GOLGA5: variants seen among roughly 807,000 people sequenced by gnomAD.
The protein encoded by GOLGA5 is golgin subfamily A member 5.
In GOLGA5, 50 loss-of-function variants were observed where a neutral mutation model predicts 93.5. The observed-to-expected ratio is 0.53, with a 90% CI of 0.43 to 0.68. The LOEUF (loss-of-function observed/expected upper bound fraction) is 0.68, where lower values mean the gene tolerates loss of function less well. Among genes scored for constraint, GOLGA5 ranks in the 30% least tolerant of loss-of-function variants. GOLGA5 has a pLI of 0.00. For synonymous variants in GOLGA5, 312 were observed against 304.5 expected (o/e 1.02, Z -0.26); for missense variants, 760 against 856.4 (o/e 0.89, Z 1.40).
chr14:92,833,670 T>A (rs1426766021), intron 10 of GOLGA5, among the ~76,000 whole-genome samples: 1 of 152,240 alleles, frequency 6.6e-6, no homozygotes, highest in Non-Finnish European at 1.5e-5. Flanking sequence ...CAAGATTTGC[T>A]TTAATAATCT....
At chr14:92,815,687 A>AT (rs1410046101) in intron 6 of GOLGA5, among the ~76,000 whole-genome samples, 1 of 143,112 alleles carries the variant, frequency 7.0e-6, no homozygotes, top group African/African-American at 2.6e-5. Context: ...ATAAACACAA[A>AT]TTTTTTTTAA....
intron 1 of GOLGA5, 134 bp downstream of exon 1, chr14:92,794,590 G>A (rs1320154263): frequency 6.6e-6 from 1 of 152,542 alleles, no homozygotes; most frequent in South Asian, 2.1e-4. Flanking sequence ...CCCTGTTAGG[G>A]GCTGAGGAGG....
At position 92,794,429 on chromosome 14, in the gene GOLGA5, C is replaced by G. The variant is rs558414439; in HGVS notation, c.-58C>G. 75 of 152,454 alleles carry G rather than the reference C, an allele frequency of 4.9e-4. No individual in the cohort carries two copies. Among genetic ancestry groups the G allele is most frequent in the African/African-American group, 1.7e-3 (72 of 41,584 alleles). 9.4% of individuals were successfully genotyped at this position (152,454 alleles called of 1,614,324 possible). On this transcript the variant is annotated 5_prime_UTR_variant, in exon 1 of 13. Transcript: ENST00000163416. ...GCGCGGCCCAGGACGGCGGCTAGGC[C>G]GTAGTGCAGCCTCTCCGGAGTCCTC...
Position 92,797,847 on chromosome 14 carries a change from G to T in GOLGA5, c.410G>T (p.Arg137Met), listed in dbSNP as rs1439549805. ...LNSSQKEPTG[R>M]VEIRKEKGKT... ...AGTTCACAGAAGGAGCCTACCGGGA[G>T]GGTGGAAATCAGAAAGGAAAAAGGC... is the stretch of plus-strand genomic sequence containing the variant. Residue 137 changes from arginine to methionine, a missense_variant, in exon 2 of 13, where the codon AGG (arginine) becomes ATG (methionine). Physicochemically the swap from Arg to Met is moderately conservative, Grantham distance 91. Coordinates refer to ENST00000163416, the MANE Select transcript of GOLGA5 (RefSeq NM_005113.4). The T allele has an allele frequency of 6.2e-7, 1 of 1,614,034 alleles. No individual in the cohort carries two copies. The highest frequency in any genetic ancestry group is 8.5e-7 in the Non-Finnish European group (1 of 1,179,924).
At chr14:92,797,387 C>G in intron 1 of GOLGA5, 21 bp from the exon 2 acceptor site, 2 of 1,377,034 alleles carry the variant, frequency 1.5e-6, no homozygotes, top group East Asian at 2.3e-5. Flanking sequence ...CCACACTGAT[C>G]ATTTTATGTC....
chr14:92,809,249 G>C, intron 3 of GOLGA5, 51 bp from the exon 4 acceptor site: 1 of 1,287,076 alleles, frequency 7.8e-7, no homozygotes, highest in Non-Finnish European at 1.1e-6. Context: ...CGTGCTCTGA[G>C]AAAAATGTGT....
intron 10 of GOLGA5, among the ~76,000 whole-genome samples, chr14:92,834,184 C>CTTTTTTTTTTTTTT (rs35449807): frequency 4.4e-5 from 6 of 135,058 alleles, no homozygotes; most frequent in East Asian, 2.2e-4. Context: ...TAGGTTTCAC[C>CTTTTTTTTTTTTTT]TTTTTTTTTT....
chr14:92,806,615 G>T (rs1884991557), intron 2 of GOLGA5, 121 bp from the exon 3 acceptor site: 3 of 697,934 alleles, frequency 4.3e-6, no homozygotes, highest in Admixed American at 2.2e-5. Flanking sequence ...GCCTAGCTGA[G>T]AATTTACTTT....
chr14:92,816,250 G>T lies in GOLGA5; in HGVS notation c.1321-1G>T, dbSNP rs770345182. ...TAAACATATTTCTTCTTTTATAATA[G>T]TCTAAGGAAAAATTGATTAACAGCT... On this transcript the variant is annotated splice_acceptor_variant, in intron 6 of 12. Coordinates refer to ENST00000163416, the MANE Select transcript of GOLGA5 (RefSeq NM_005113.4). LOFTEE classifies it high-confidence loss of function. 4 of 1,604,180 alleles carry T rather than the reference G, an allele frequency of 2.5e-6. No homozygotes were observed.
At position 92,839,684 on chromosome 14, in the gene GOLGA5, G is replaced by C. The variant is rs745325817; in HGVS notation, c.*238G>C. 3.0e-5 allele frequency: 17 copies of C among 562,654 alleles called. No homozygotes were observed. Among genetic ancestry groups the C allele is most frequent in the African/African-American group, 7.5e-5 (4 of 53,268 alleles). The allele number at this position is 562,654 out of a possible 1,614,324, so 34.9% of individuals were successfully genotyped here. A position where few individuals can be genotyped will look rare whatever the true frequency, so the allele number is the denominator to read the frequency against. ...CTCAGCTCTGCTTTATCTGAGTTTA[G>C]TGGTCCTAATATATATGTAGAGAAA... On this transcript the variant is annotated 3_prime_UTR_variant, in exon 13 of 13. Coordinates refer to ENST00000163416, the MANE Select transcript of GOLGA5 (RefSeq NM_005113.4).
rs201784214 is a variant in GOLGA5 at position 92,806,869 on chromosome 14, C to T, written c.678C>T (p.Asn226=). ...ATGGCAAATCACATGAACTGTCTAA[C>T]CTTCGACTGGAGAATCAGCTGCTGA... The part of the protein sequence containing the change: ...NDDGKSHELS[N]LRLENQLLRN... The change falls in exon 3 of 13, where the codon AAC becomes AAT. Residue 226 remains asparagine (N), a synonymous_variant. Transcript: ENST00000163416. 34 of 1,613,694 alleles carry T rather than the reference C, an allele frequency of 2.1e-5. No individual in the cohort carries two copies. Among genetic ancestry groups the T allele is most frequent in the Non-Finnish European group, 2.5e-5 (29 of 1,179,742 alleles).
chr14:92,832,485 A>G (rs1263576784), intron 9 of GOLGA5, among the ~76,000 whole-genome samples: 1 of 152,220 alleles, frequency 6.6e-6, no homozygotes, highest in Non-Finnish European at 1.5e-5. Context: ...GAAGTCGTTA[A>G]GTATCAACTT....
At chr14:92,809,554 A>C in intron 4 of GOLGA5, 35 bp downstream of exon 4, 1 of 1,291,400 alleles carries the variant, frequency 7.7e-7, no homozygotes, top group Non-Finnish European at 1.1e-6. Context: ...AAAAATGAGC[A>C]AGTAATGGTA....
chr14:92,804,189 A>G lies in GOLGA5; in HGVS notation c.545-2547A>G, dbSNP rs144024446. Among the ~76,000 whole-genome samples, 5 of 152,090 alleles carry G rather than the reference A, an allele frequency of 3.3e-5. No homozygotes were observed. In the East Asian group the frequency reaches 9.6e-4, roughly 29 times the overall value. On this transcript the variant is annotated intron_variant, in intron 2 of 12. Coordinates refer to ENST00000163416, the MANE Select transcript of GOLGA5 (RefSeq NM_005113.4). The stretch of plus-strand genomic sequence containing the variant: ...GATATCATCCCACATTTGGATATAT[A>G]CTTAATTTATTTTTTGAATTTTAAT...
intron 2 of GOLGA5, among the ~76,000 whole-genome samples, chr14:92,801,740 T>TC (rs938883931): frequency 2.6e-5 from 4 of 151,328 alleles, no homozygotes; most frequent in African/African-American, 7.3e-5. Flanking sequence ...TTTTTCTTTT[T>TC]TTTTTTTTTG....
In GOLGA5 at chr14:92,806,971, C is replaced by G. The variant is rs1248358413; in HGVS notation, c.772+8C>G. 5 of 1,510,336 alleles carry G rather than the reference C, an allele frequency of 3.3e-6. No homozygotes were observed. The South Asian group carries it at 5.6e-5, about 17-fold the overall frequency. The allele number at this position is 1,510,336 out of a possible 1,614,324, so 93.6% of individuals were successfully genotyped here. A position where few individuals can be genotyped will look rare whatever the true frequency, so the allele number is the denominator to read the frequency against. On this transcript the variant is annotated splice_region_variant and intron_variant, in intron 3 of 12. Coordinates refer to ENST00000163416, the MANE Select transcript of GOLGA5 (RefSeq NM_005113.4). The stretch of plus-strand genomic sequence containing the variant: ...CCAAAGAGACTCAAGAAGGTAGAGG[C>G]TTAAATTGTTCAGGATTAGGAATTT...
chr14:92,825,837 C>T (rs1051162932), intron 9 of GOLGA5, among the ~76,000 whole-genome samples: 1 of 121,656 alleles, frequency 8.2e-6, no homozygotes, highest in Admixed American at 1.0e-4. Flanking sequence ...CCTTGAGTGA[C>T]AGAGTGAGAC....
chr14:92,796,209 G>A (rs969174504), intron 1 of GOLGA5, among the ~76,000 whole-genome samples: 3 of 152,192 alleles, frequency 2.0e-5, no homozygotes, highest in Non-Finnish European at 4.4e-5. Flanking sequence ...TCAAGTTTTA[G>A]CACTTTAAAA....
intron 7 of GOLGA5, 118 bp from the exon 8 acceptor site, chr14:92,819,590 G>T: frequency 1.2e-6 from 1 of 860,902 alleles, no homozygotes; most frequent in East Asian, 2.7e-5. Flanking sequence ...CTGTGATTGT[G>T]CCACTGCACT....
Sources: gnomAD v4.1 joint callset for allele counts (sites outside exome capture counted in the v4.1 genomes callset) on GRCh38, gnomAD v4.1.1 for gene constraint, MANE v1.5 for transcripts, NCBI Gene and HGNC (gene_info 2026-07-23, HGNC 2026-07-21) for gene names.